ZNF585B: variants seen among roughly 807,000 people sequenced by gnomAD.
ZNF585B encodes the protein zinc finger protein 41-like protein.
A neutral mutation model predicts 14.0 loss-of-function variants in ZNF585B; 7 were observed. That is an observed-to-expected ratio of 0.50 (90% CI 0.28 to 0.94). ZNF585B has a LOEUF of 0.94. Ranked by LOEUF, ZNF585B falls within the 40% of genes least tolerant of loss-of-function variation. The probability of loss-of-function intolerance (pLI) is 0.09; values close to 1 mark genes in which losing one functional copy is unlikely to be tolerated. For synonymous variants in ZNF585B, 290 were observed against 317.3 expected (o/e 0.91, Z 0.91); for missense variants, 750 against 924.4 (o/e 0.81, Z 2.45).
At chr19:37,209,051 T>C (rs1972617039) in intron 1 of ZNF585B, among the ~76,000 whole-genome samples, 1 of 152,114 alleles carries the variant, frequency 6.6e-6, no homozygotes, top group Non-Finnish European at 1.5e-5. Flanking sequence ...CTTTTATAAA[T>C]TATTGGTTGA....
At chr19:37,196,129 G>A (rs1972463566) in intron 2 of ZNF585B, 2 of 152,140 alleles carry the variant, frequency 1.3e-5, no homozygotes, top group South Asian at 4.1e-4. Flanking sequence ...TGTACAGCCA[G>A]TATTACTCTG....
Position 37,187,186 on chromosome 19 carries a change from G to T in ZNF585B, c.351C>A (p.Ser117=). 6.2e-7 allele frequency: 1 copy of T among 1,613,090 alleles called. No individual in the cohort carries two copies. The highest frequency in any genetic ancestry group is 8.5e-7 in the Non-Finnish European group (1 of 1,179,808). ...CAGAATAAATTTTTTGATCTTGAGAGGAAGCTGGTTTATAACCGATGATTT... is the reference window on the plus strand; with the variant it reads ...CAGAATAAATTTTTTGATCTTGAGATGAAGCTGGTTTATAACCGATGATTT... The part of the protein sequence containing the change: ...HRKIIGYKPA[S]SQDQKIYSGE... The change falls in exon 5 of 5, where the codon TCC becomes TCA. Residue 117 remains serine (S), a synonymous_variant. Coordinates refer to ENST00000532828, the MANE Select transcript of ZNF585B (RefSeq NM_152279.4).
rs201140202 is a variant in ZNF585B at position 37,186,651 on chromosome 19, T to C, written c.886A>G (p.Lys296Glu). The change falls in exon 5 of 5, where the codon AAA becomes GAA. Residue 296 changes from lysine (K) to glutamate (E), a missense_variant. Lys to Glu is a moderately conservative substitution (Grantham distance 56, BLOSUM62 1). Coordinates refer to ENST00000532828, the MANE Select transcript of ZNF585B (RefSeq NM_152279.4). ...IAHRRIHSGEKPYECNNCGKS... is the reference protein window; with the variant it reads ...IAHRRIHSGEEPYECNNCGKS... ...CCACAGTTATTGCATTCATATGGTT[T>C]TTCTCCACTATGAATTCTTCGGTGT... The C allele has an allele frequency of 6.2e-7, 1 of 1,614,230 alleles. No individual in the cohort carries two copies. The highest frequency in any genetic ancestry group is 2.2e-5 in the East Asian group (1 of 44,884).
Position 37,184,421 on chromosome 19 carries a change from AGAAAGAAAAAGAAAGAAAGAAG to A in ZNF585B, c.*784_*805del, listed in dbSNP as rs1568504831. ...GAAAGAAAGAAAGAAAGAAAGAGAAAGAAAGAAAAAGAAAGAAAGAAGGAAAGAAAGAAAGAAAGAAAGAAAG... is the reference window on the plus strand; with the variant it reads ...GAAAGAAAGAAAGAAAGAAAGAGAAAGAAAGAAAGAAAGAAAGAAAGAAAG... On this transcript the variant is annotated 3_prime_UTR_variant, in exon 5 of 5. Coordinates refer to ENST00000532828, the MANE Select transcript of ZNF585B (RefSeq NM_152279.4). 6.8e-4 allele frequency: 74 copies of A among 108,822 alleles called. No individual in the cohort carries two copies. The highest frequency in any genetic ancestry group is 2.8e-3 in the African/African-American group (69 of 24,280). 6.7% of individuals were successfully genotyped at this position (108,822 alleles called of 1,614,324 possible).
chr19:37,185,014 T>A lies in ZNF585B; in HGVS notation c.*213A>T, dbSNP rs1324025546. 1 of 507,514 alleles carries A rather than the reference T, an allele frequency of 2.0e-6. No individual in the cohort carries two copies. The highest frequency in any genetic ancestry group is 1.9e-5 in the African/African-American group (1 of 52,532). 31.4% of individuals were successfully genotyped at this position (507,514 alleles called of 1,614,324 possible). ...TGACTCGGTTCCTTGTCAGTATGAA[T>A]AATGACCCAAGGTTTACTGGGGATG... On this transcript the variant is annotated 3_prime_UTR_variant, in exon 5 of 5. Coordinates refer to ENST00000532828, the MANE Select transcript of ZNF585B (RefSeq NM_152279.4).
chr19:37,187,298 C>T, intron 4 of ZNF585B, 54 bp from the exon 5 acceptor site: 1 of 1,268,590 alleles, frequency 7.9e-7, no homozygotes, highest in South Asian at 1.5e-5. Flanking sequence ...ATAGTTAGTA[C>T]TCTTCTTAAC....
At position 37,207,063 on chromosome 19, in the gene ZNF585B, C is replaced by G. The variant is rs1972594377; in HGVS notation, c.49G>C (p.Glu17Gln). 6.2e-7 allele frequency: 1 copy of G among 1,614,144 alleles called. No individual in the cohort carries two copies. The highest frequency in any genetic ancestry group is 8.5e-7 in the Non-Finnish European group (1 of 1,180,030). ...SPQKSSALAP[E>Q]DHGSSYEGSV... is the part of the protein sequence containing the mutation. ...ACCTCATAGGAGCTGCCATGATCCT[C>G]TGGAGCCAGGGCTGAGGATTTCTGG... Residue 17 changes from glutamate to glutamine, a missense_variant, in exon 2 of 5, where the codon GAG (glutamate) becomes CAG (glutamine). Around this residue, in one of 2 missense-constraint regions of ZNF585B, gnomAD observed 517 missense variants for 570.3 expected, o/e 0.91. Coordinates refer to ENST00000532828, the MANE Select transcript of ZNF585B (RefSeq NM_152279.4).
chr19:37,196,808 A>G (rs1158815856), intron 2 of ZNF585B, among the ~76,000 whole-genome samples: 1 of 152,194 alleles, frequency 6.6e-6, no homozygotes, highest in East Asian at 1.9e-4. Flanking sequence ...TATACCATAC[A>G]AAATACATGT....
rs545305580 is a variant in ZNF585B, at chr19:37,185,382, C to G, written c.2155G>C (p.Val719Leu). 36 of 1,613,950 alleles carry G rather than the reference C, an allele frequency of 2.2e-5. No individual in the cohort carries two copies. The highest frequency in any genetic ancestry group is 2.5e-5 in the Non-Finnish European group (30 of 1,180,022). The change falls in exon 5 of 5, where the codon GTG (valine) becomes CTG (leucine). Residue 719 changes from valine (V) to leucine (L), a missense_variant. Val to Leu is a conservative substitution (Grantham distance 32). Around this residue, in one of 2 missense-constraint regions of ZNF585B, gnomAD observed 233 missense variants for 354.1 expected, o/e 0.66. Transcript: ENST00000532828. ...AAGGCCTTCCCACACTCAGCACACACGTAAGGCTTCTCTCCAGTGTGAATT... is the reference window on the plus strand; with the variant it reads ...AAGGCCTTCCCACACTCAGCACACAGGTAAGGCTTCTCTCCAGTGTGAATT... ...QRIHTGEKPY[V>L]CAECGKAFSN...
rs756011055 is a variant in ZNF585B at position 37,186,703 on chromosome 19, G to A, written c.834C>T (p.Ala278=). 7 of 1,614,136 alleles carry A rather than the reference G, an allele frequency of 4.3e-6. No individual in the cohort carries two copies. The South Asian group carries it at 7.7e-5, about 18-fold the overall frequency. The part of the protein sequence containing the change: ...RSYICIECGQ[A]FIQKTQLIAH... ...CAATCAATTGTGTTTTCTGGATGAA[G>A]GCCTGCCCGCATTCAATACAGATGT... Residue 278 remains alanine (A), a synonymous_variant, in exon 5 of 5, where the codon GCC becomes GCT. Transcript: ENST00000532828.
chr19:37,206,569 G>A (rs533783130), intron 2 of ZNF585B, among the ~76,000 whole-genome samples: 89 of 152,248 alleles, frequency 5.8e-4, no homozygotes, highest in African/African-American at 2.0e-3. Flanking sequence ...GGCAAAAGGT[G>A]TCAAAGTTAC....
chr19:37,194,089 T>C (rs1204687766), intron 2 of ZNF585B, among the ~76,000 whole-genome samples: 1 of 152,284 alleles, frequency 6.6e-6, no homozygotes, highest in African/African-American at 2.4e-5. Flanking sequence ...AGGAGCTGTG[T>C]AGGAAGGTGG....
chr19:37,192,388 T>C (rs1440173674), intron 2 of ZNF585B, among the ~76,000 whole-genome samples: 1 of 151,632 alleles, frequency 6.6e-6, no homozygotes. Context: ...ATACAAAGTA[T>C]GGGGTAAGGG....
In ZNF585B at chr19:37,186,698, A is replaced by T. The variant is rs1972338249; in HGVS notation, c.839T>A (p.Ile280Asn). The change falls in exon 5 of 5, where the codon ATC becomes AAC. Residue 280 changes from isoleucine to asparagine, a missense_variant. Coordinates refer to ENST00000532828, the MANE Select transcript of ZNF585B (RefSeq NM_152279.4). ...YICIECGQAF[I>N]QKTQLIAHRR... ...GTGTGCAATCAATTGTGTTTTCTGG[A>T]TGAAGGCCTGCCCGCATTCAATACA... The T allele has an allele frequency of 6.2e-7, 1 of 1,614,024 alleles. No homozygotes were observed. The highest frequency in any genetic ancestry group is 1.3e-5 in the African/African-American group (1 of 74,926).
At position 37,181,902 on chromosome 19, in the gene ZNF585B, C is replaced by G. The variant is rs1159839887; in HGVS notation, c.*3325G>C. ...TTGGGACAGTGAAACGGCTCTTTATCCTTCTGTAATAATGCATACATGTCA... is the reference window on the plus strand; with the variant it reads ...TTGGGACAGTGAAACGGCTCTTTATGCTTCTGTAATAATGCATACATGTCA... On this transcript the variant is annotated 3_prime_UTR_variant, in exon 5 of 5. Coordinates refer to ENST00000532828, the MANE Select transcript of ZNF585B (RefSeq NM_152279.4). 6.6e-6 allele frequency: 1 copy of G among 152,112 alleles called. No individual in the cohort carries two copies. Among genetic ancestry groups the G allele is most frequent in the African/African-American group, 2.4e-5 (1 of 41,412 alleles). 9.4% of individuals were successfully genotyped at this position (152,112 alleles called of 1,614,324 possible). A position where few individuals can be genotyped will look rare whatever the true frequency, so the allele number is the denominator to read the frequency against.
At chr19:37,191,889 C>T (rs1286643644) in intron 2 of ZNF585B, among the ~76,000 whole-genome samples, 2 of 151,908 alleles carry the variant, frequency 1.3e-5, no homozygotes, top group African/African-American at 4.8e-5. Flanking sequence ...AAAAATTAGC[C>T]GGGCATGGCG....
In ZNF585B at chr19:37,183,129, G is replaced by A. The variant is rs1972280520; in HGVS notation, c.*2098C>T. On this transcript the variant is annotated 3_prime_UTR_variant, in exon 5 of 5. Transcript: ENST00000532828. Reference sequence around the variant, plus strand: ...TGGAGCTGTGGGATTCTGGAATCATGGCAGGAAATCCTGGAAGCAAGCATC... The same window carrying A: ...TGGAGCTGTGGGATTCTGGAATCATAGCAGGAAATCCTGGAAGCAAGCATC... 1 of 152,144 alleles carries A rather than the reference G, an allele frequency of 6.6e-6. No homozygotes were observed. Among genetic ancestry groups the A allele is most frequent in the African/African-American group, 2.4e-5 (1 of 41,416 alleles). 9.4% of individuals were successfully genotyped at this position (152,144 alleles called of 1,614,324 possible).
At chr19:37,187,813 T>TA (rs1599762608) in intron 4 of ZNF585B, among the ~76,000 whole-genome samples, 1 of 152,140 alleles carries the variant, frequency 6.6e-6, no homozygotes, top group East Asian at 1.9e-4. Flanking sequence ...GGTGTGACAC[T>TA]ACTTAAATGA....
In ZNF585B at chr19:37,185,994, T is replaced by A. The variant is rs1972328942; in HGVS notation, c.1543A>T (p.Ile515Phe). The change falls in exon 5 of 5, where the codon ATC becomes TTC. Residue 515 changes from isoleucine (I) to phenylalanine (F), a missense_variant. This residue lies in a region of ZNF585B where 233 missense variants were observed against 354.1 expected (regional missense o/e 0.66). Transcript: ENST00000532828. ...TCATAAGGCTTCTCCCCAGTATGGA[T>A]TCTCTGATGTGTAATCAAGTCTGAC... is the stretch of plus-strand genomic sequence containing the variant. The part of the protein sequence containing the change: ...QRSDLITHQR[I>F]HTGEKPYECN... The A allele has an allele frequency of 6.2e-7, 1 of 1,613,882 alleles. No homozygotes were observed. Among genetic ancestry groups the A allele is most frequent in the Admixed American group, 1.7e-5 (1 of 59,956 alleles).
Sources: allele counts gnomAD v4.1 joint callset (sites outside exome capture counted in the v4.1 genomes callset), GRCh38; gene constraint gnomAD v4.1.1; regional missense constraint gnomAD v4.1.1; transcripts MANE v1.5; gene names NCBI Gene and HGNC (gene_info 2026-07-23, HGNC 2026-07-21).